The following SLC9A8 variants were observed in gnomAD, a reference collection of about 807,000 sequenced individuals.
SLC9A8 encodes sodium/hydrogen exchanger 8.
A neutral mutation model predicts 66.6 loss-of-function variants in SLC9A8; 48 were observed. That is an observed-to-expected ratio of 0.72 (90% CI 0.57 to 0.92). The LOEUF (loss-of-function observed/expected upper bound fraction) is 0.92, where lower values mean the gene tolerates loss of function less well. Among genes scored for constraint, SLC9A8 ranks in the 40% least tolerant of loss-of-function variants. SLC9A8 has a pLI of 0.00. For missense variants in SLC9A8, 599 were observed against 747.3 expected (o/e 0.80, Z 2.31); for synonymous variants, 274 against 282.6 (o/e 0.97, Z 0.31).
chr20:49,867,581 C>T (rs558746995), intron 10 of SLC9A8, among the ~76,000 whole-genome samples: 2 of 152,288 alleles, frequency 1.3e-5, no homozygotes, highest in South Asian at 4.1e-4. Context: ...CAGTAGATGT[C>T]CAAGAGCTCT....
chr20:49,821,836 T>C (rs1211889913), intron 2 of SLC9A8, among the ~76,000 whole-genome samples: 5 of 152,224 alleles, frequency 3.3e-5, no homozygotes, highest in African/African-American at 1.2e-4. Flanking sequence ...TCTTCTTATT[T>C]TCTTTCATAA....
At chr20:49,818,678 A>T (rs1311023503) in intron 2 of SLC9A8, among the ~76,000 whole-genome samples, 5 of 151,558 alleles carry the variant, frequency 3.3e-5, no homozygotes, top group African/African-American at 9.7e-5. Context: ...TTTAGTAGAG[A>T]TGGGGTTTCG....
chr20:49,885,117 T>C (rs1183692208), intron 14 of SLC9A8, among the ~76,000 whole-genome samples: 2 of 152,232 alleles, frequency 1.3e-5, no homozygotes, highest in East Asian at 3.8e-4. Context: ...AACTTCCAGA[T>C]GGCTGTGAGG....
intron 11 of SLC9A8, among the ~76,000 whole-genome samples, chr20:49,875,810 C>T (rs1335420360): frequency 6.6e-6 from 1 of 152,012 alleles, no homozygotes; most frequent in Non-Finnish European, 1.5e-5. Flanking sequence ...TCTCAGCTCA[C>T]TGCAAGCTCC....
At chr20:49,827,605 A>G (rs913903496) in intron 3 of SLC9A8, among the ~76,000 whole-genome samples, 2 of 138,056 alleles carry the variant, frequency 1.4e-5, no homozygotes, top group East Asian at 4.1e-4. Context: ...CTGCATCTCG[A>G]AAAAAAAAAA....
intron 4 of SLC9A8, among the ~76,000 whole-genome samples, chr20:49,841,225 G>C (rs535516656): frequency 1.6e-4 from 25 of 151,774 alleles, no homozygotes; most frequent in Admixed American, 7.9e-4. Context: ...AGGATCGCTT[G>C]AGCCCAGGAG....
At chr20:49,829,899 C>T in intron 3 of SLC9A8, 2 of 574,990 alleles carry the variant, frequency 3.5e-6, no homozygotes, top group Non-Finnish European at 6.9e-6. Flanking sequence ...GAGACAGGCT[C>T]CAAATCCCCT....
intron 12 of SLC9A8, among the ~76,000 whole-genome samples, chr20:49,879,800 A>T (rs200154427): frequency 1.4e-4 from 1 of 7,354 alleles, no homozygotes. Context: ...ACTCCATCTC[A>T]AAAAAAAAAA....
intron 9 of SLC9A8, 22 bp downstream of exon 9, chr20:49,863,089 C>T (rs535673073): frequency 6.3e-7 from 1 of 1,590,996 alleles, no homozygotes; most frequent in Non-Finnish European, 8.6e-7. Context: ...ATGTGATGAA[C>T]ATGCAGGGTT....
At chr20:49,817,794 C>T (rs2086608893) in intron 2 of SLC9A8, among the ~76,000 whole-genome samples, 1 of 152,104 alleles carries the variant, frequency 6.6e-6, no homozygotes, top group Non-Finnish European at 1.5e-5. Context: ...ATTTTTTACC[C>T]TGTAAATGTA....
At chr20:49,817,224 G>A (rs991588483) in intron 2 of SLC9A8, among the ~76,000 whole-genome samples, 30 of 152,036 alleles carry the variant, frequency 2.0e-4, no homozygotes, top group Non-Finnish European at 3.4e-4. Context: ...GGCTGAAGCA[G>A]GAGAATCACT....
intron 12 of SLC9A8, among the ~76,000 whole-genome samples, chr20:49,878,505 C>T (rs2089513510): frequency 6.6e-6 from 1 of 152,168 alleles, no homozygotes; most frequent in South Asian, 2.1e-4. Context: ...TTTCTCTTTT[C>T]TGCTTTTTCT....
At chr20:49,816,530 A>G (rs930599159) in intron 2 of SLC9A8, among the ~76,000 whole-genome samples, 2 of 152,182 alleles carry the variant, frequency 1.3e-5, no homozygotes, top group African/African-American at 2.4e-5. Flanking sequence ...CCAGGCTGAT[A>G]TAAGACTAGA....
chr20:49,831,358 A>G (rs2087178987), intron 3 of SLC9A8, among the ~76,000 whole-genome samples: 1 of 151,992 alleles, frequency 6.6e-6, no homozygotes, highest in African/African-American at 2.4e-5. Context: ...GTGTGCACGC[A>G]CACACACGAG....
intron 4 of SLC9A8, among the ~76,000 whole-genome samples, chr20:49,841,909 A>T (rs1299601390): frequency 6.6e-6 from 1 of 151,512 alleles, no homozygotes; most frequent in Non-Finnish European, 1.5e-5. Flanking sequence ...CTAATTTTTA[A>T]AAAAATTTTT....
At chr20:49,882,964 T>C (rs1450900975) in intron 13 of SLC9A8, among the ~76,000 whole-genome samples, 2 of 151,634 alleles carry the variant, frequency 1.3e-5, no homozygotes, top group African/African-American at 4.8e-5. Flanking sequence ...CCCGCTTTCC[T>C]GTCTGGGGAA....
chr20:49,864,645 T>C, intron 9 of SLC9A8, 94 bp from the exon 10 acceptor site: 1 of 807,458 alleles, frequency 1.2e-6, no homozygotes, highest in South Asian at 1.5e-5. Context: ...ATCTGTTGTT[T>C]ACTTCATATA....
rs1555848424 is a variant in SLC9A8 at position 49,884,289 on chromosome 20, G to GACACACACGACAC, written c.1491+231_1491+232insGACACACACACAC. 4.4e-4 allele frequency: 17 copies of GACACACACGACAC among 38,760 alleles called. 1 individual carries two copies. Among genetic ancestry groups the GACACACACGACAC allele is most frequent in the East Asian group, 4.0e-3 (13 of 3,284 alleles). 2.4% of individuals were successfully genotyped at this position (38,760 alleles called of 1,614,324 possible). A position where few individuals can be genotyped will look rare whatever the true frequency, so the allele number is the denominator to read the frequency against. ...ACACACACACGACACACACACACAC[G>GACACACACGACAC]ACACACACACACACACACACACACA... On this transcript the variant is annotated intron_variant, in intron 14 of 15. Coordinates refer to ENST00000361573, the MANE Select transcript of SLC9A8 (RefSeq NM_015266.3).
chr20:49,886,690 C>T lies in SLC9A8; in HGVS notation c.1492-62C>T. ...GCGGCCTGGGTGGTGTGGGGGCTTC[C>T]AGGAGGTGCCCCCCGATGGTGCCAG... is the stretch of plus-strand genomic sequence containing the variant. On this transcript the variant is annotated intron_variant, in intron 14 of 15. Coordinates refer to ENST00000361573, the MANE Select transcript of SLC9A8 (RefSeq NM_015266.3). This position sits in a 1 kb window ranked among gnomAD's most constrained non-coding sequence, Gnocchi z 4.8. 1.3e-6 allele frequency: 2 copies of T among 1,573,808 alleles called. No homozygotes were observed. The highest frequency in any genetic ancestry group is 1.7e-6 in the Non-Finnish European group (2 of 1,156,116).
Sources: gnomAD v4.1 joint callset for allele counts (sites outside exome capture counted in the v4.1 genomes callset) on GRCh38, gnomAD v4.1.1 for gene constraint, Gnocchi (gnomAD v3.1) non-coding constraint, MANE v1.5 for transcripts, NCBI Gene and HGNC (gene_info 2026-07-23, HGNC 2026-07-21) for gene names.